Variants in CCDC7 observed in about 807,000 individuals in gnomAD.
CCDC7 encodes the protein coiled-coil domain-containing protein 7.
Under a neutral mutation model 196.9 loss-of-function variants are expected in CCDC7, and 183 were observed. The observed-to-expected ratio is 0.93, with a 90% CI of 0.82 to 1.05. The LOEUF is 1.05. Ranked by LOEUF, CCDC7 falls within the 50% of genes least tolerant of loss-of-function variation. The pLI, the probability that CCDC7 is intolerant of heterozygous loss-of-function variation, is 0.00. For synonymous variants in CCDC7, 525 were observed against 484.6 expected (o/e 1.08, Z -1.10); for missense variants, 1,540 against 1,482.2 (o/e 1.04, Z -0.64).
At chr10:32,448,200 G>A (rs535578912), upstream of CCDC7, among the ~76,000 whole-genome samples, 34 of 151,952 alleles carry the variant, frequency 2.2e-4, no homozygotes, top group Admixed American at 9.8e-4. Flanking sequence ...AGATATTTTC[G>A]TTCTATTGTT....
chr10:32,595,015 T>A (rs1439912528), intron 18 of CCDC7, among the ~76,000 whole-genome samples: 1 of 152,210 alleles, frequency 6.6e-6, no homozygotes. Context: ...ATTCTCTTTT[T>A]TTGTTGTATC....
chr10:32,716,017 G>A (rs1249517282), intron 25 of CCDC7, among the ~76,000 whole-genome samples: 1 of 152,082 alleles, frequency 6.6e-6, no homozygotes, highest in Admixed American at 6.5e-5. Context: ...AAAATAGCAA[G>A]ACAGGCCAAT....
At chr10:32,697,389 A>T (rs1395496678) in intron 24 of CCDC7, among the ~76,000 whole-genome samples, 1 of 152,174 alleles carries the variant, frequency 6.6e-6, no homozygotes, top group African/African-American at 2.4e-5. Flanking sequence ...CTCACCCAGG[A>T]AGCACTAGGG....
intron 14 of CCDC7, 30 bp from the exon 16 acceptor site, chr10:32,567,640 C>CTT (rs1236711703): frequency 6.3e-6 from 10 of 1,578,038 alleles, no homozygotes; most frequent in Non-Finnish European, 8.6e-6. Context: ...TCAGAAAATG[C>CTT]TTAATAAACT....
At chr10:32,816,127 C>A (rs1003141553) in intron 31 of CCDC7, among the ~76,000 whole-genome samples, 3 of 152,208 alleles carry the variant, frequency 2.0e-5, no homozygotes, top group African/African-American at 7.2e-5. Context: ...AAAACCGGGT[C>A]ACTCCCACCC....
At chr10:32,454,303 A>G (rs1588693762) in intron 2 of CCDC7, among the ~76,000 whole-genome samples, 1 of 152,216 alleles carries the variant, frequency 6.6e-6, no homozygotes, top group Admixed American at 6.5e-5. Flanking sequence ...CTATGTAATC[A>G]CAATCCTTAT....
intron 11 of CCDC7, among the ~76,000 whole-genome samples, chr10:32,542,633 CA>C (rs11375465): frequency 8.9e-4 from 78 of 87,946 alleles, no homozygotes; most frequent in South Asian, 3.4e-3. Flanking sequence ...ACTCCCATCT[CA>C]AAAAAAAAAA....
chr10:32,761,133 C>G (rs1004179014), intron 28 of CCDC7, among the ~76,000 whole-genome samples: 1 of 151,968 alleles, frequency 6.6e-6, no homozygotes, highest in East Asian at 1.9e-4. Flanking sequence ...CTAGACAAAA[C>G]AGACTTTAAA....
upstream of CCDC7, among the ~76,000 whole-genome samples, chr10:32,450,712 A>T (rs1564603929): frequency 6.6e-6 from 1 of 152,160 alleles, no homozygotes; most frequent in African/African-American, 2.4e-5. Context: ...TTAATATTAC[A>T]CTAATGATAC....
intron 30 of CCDC7, among the ~76,000 whole-genome samples, chr10:32,807,736 G>A (rs1424165841): frequency 6.6e-6 from 1 of 151,770 alleles, no homozygotes; most frequent in East Asian, 2.0e-4. Flanking sequence ...CAGTGGCATT[G>A]CTCTAGAGAG....
intron 18 of CCDC7, among the ~76,000 whole-genome samples, chr10:32,607,370 A>G (rs867542094): frequency 3.3e-5 from 5 of 152,228 alleles, no homozygotes; most frequent in Non-Finnish European, 7.3e-5. Flanking sequence ...TACTGTGTTA[A>G]TAAGAGTTGT....
chr10:32,485,807 T>C (rs1002014311), intron 8 of CCDC7, among the ~76,000 whole-genome samples: 2 of 152,210 alleles, frequency 1.3e-5, no homozygotes, highest in Admixed American at 6.5e-5. Flanking sequence ...TTGAGCAGTT[T>C]TGAGTGAGTT....
intron 33 of CCDC7, among the ~76,000 whole-genome samples, chr10:32,837,481 C>T (rs553550259): frequency 8.5e-5 from 13 of 152,150 alleles, no homozygotes; most frequent in Admixed American, 4.6e-4. Context: ...CTGGTGGGAC[C>T]GTAAACTAGT....
intron 41 of CCDC7, among the ~76,000 whole-genome samples, chr10:32,862,520 C>T (rs1263432076): frequency 1.3e-5 from 2 of 151,814 alleles, no homozygotes; most frequent in African/African-American, 4.8e-5. Flanking sequence ...AACAAACCTG[C>T]ACGTTCTGCA....
At chr10:32,581,685 G>A (rs2058743221) in intron 16 of CCDC7, among the ~76,000 whole-genome samples, 1 of 152,056 alleles carries the variant, frequency 6.6e-6, no homozygotes, top group Non-Finnish European at 1.5e-5. Context: ...GGTTATAAAT[G>A]TACAGTATAT....
At chr10:32,577,232 C>T (rs574878474) in intron 16 of CCDC7, among the ~76,000 whole-genome samples, 34 of 151,986 alleles carry the variant, frequency 2.2e-4, no homozygotes, top group Middle Eastern at 3.4e-3. Flanking sequence ...CATGGTCGTG[C>T]GCGCCTGTAG....
intron 21 of CCDC7, chr10:32,675,783 C>G (rs939555365): frequency 2.0e-5 from 3 of 152,104 alleles, no homozygotes; most frequent in African/African-American, 7.2e-5. Context: ...AAGGAAGAAT[C>G]AATATCGTGA....
At position 32,736,009 on chromosome 10, in the gene CCDC7, A is replaced by G. The variant is rs1052910171; in HGVS notation, c.2905+6552A>G. On this transcript the variant is annotated intron_variant, in intron 28 of 41. Coordinates refer to ENST00000639629, the Ensembl canonical transcript of CCDC7. ...TTCTTTTTATCTCTCTTCTGTTCCA[A>G]TTGCTCTATTTGTCTATTGTTTCAT... 2.6e-5 allele frequency among the ~76,000 whole-genome samples: 4 copies of G among 151,970 alleles called. No homozygotes were observed. The South Asian group carries it at 6.2e-4, about 24-fold the overall frequency.
intron 41 of CCDC7, among the ~76,000 whole-genome samples, chr10:32,873,760 G>T (rs184150481): frequency 1.3e-5 from 2 of 151,640 alleles, no homozygotes; most frequent in African/African-American, 4.8e-5. Flanking sequence ...TGGAATTGCC[G>T]GGTTGTGTAG....
Sources: gnomAD v4.1 joint callset for allele counts (sites outside exome capture counted in the v4.1 genomes callset) on GRCh38, gnomAD v4.1.1 for gene constraint, MANE v1.5 for transcripts, NCBI Gene and HGNC (gene_info 2026-07-23, HGNC 2026-07-21) for gene names.